The following NOL4 variants were observed in gnomAD, a reference collection of about 807,000 sequenced individuals.
NOL4 encodes cancer/testis antigen 125.
NOL4 carries 17 observed loss-of-function variants against 75.9 expected under a neutral mutation model. The ratio of observed to expected loss-of-function variants is 0.22; its 90% confidence interval spans 0.15 to 0.34. The LOEUF is 0.34. Among genes scored for constraint, NOL4 ranks in the 10% least tolerant of loss-of-function variants. The probability of loss-of-function intolerance (pLI) is 1.00; values close to 1 mark genes in which losing one functional copy is unlikely to be tolerated. For synonymous variants in NOL4, 292 were observed against 289.9 expected (o/e 1.01, Z -0.07); for missense variants, 614 against 793.5 (o/e 0.77, Z 2.72).
chr18:34,081,221 A>T (rs9946561), intron 5 of NOL4, among the ~76,000 whole-genome samples: 2,424 of 152,260 alleles, frequency 0.016, 70 homozygotes, highest in African/African-American at 0.056. Flanking sequence ...TAGTTTCTTT[A>T]TTTCCACAAA....
intron 6 of NOL4, among the ~76,000 whole-genome samples, chr18:33,997,007 G>C (rs2073338387): frequency 6.6e-6 from 1 of 151,818 alleles, no homozygotes; most frequent in African/African-American, 2.4e-5. Context: ...TTGAACTTTT[G>C]TCAGATGCAT....
intron 8 of NOL4, among the ~76,000 whole-genome samples, chr18:33,953,244 T>TTTTTTTTTTTTTTTTTTTTGAG (rs1555671903): frequency 6.7e-6 from 1 of 149,430 alleles, no homozygotes; most frequent in African/African-American, 2.5e-5. Flanking sequence ...AGGATATTTT[T>TTTTTTTTTTTTTTTTTTTTGAG]AAACTGCAAA....
intron 10 of NOL4, among the ~76,000 whole-genome samples, chr18:33,880,007 T>TA (rs1030040449): frequency 9.9e-5 from 15 of 152,196 alleles, no homozygotes; most frequent in Middle Eastern, 3.4e-3. Context: ...ACAGTCTTGT[T>TA]AAAAAAATTC....
intron 5 of NOL4, among the ~76,000 whole-genome samples, chr18:34,033,299 A>G (rs2075732468): frequency 6.6e-6 from 1 of 152,180 alleles, no homozygotes; most frequent in Non-Finnish European, 1.5e-5. Context: ...AAAACAATTT[A>G]AAGAAATCAG....
Position 34,019,474 on chromosome 18 carries a change from A to C in NOL4, c.900T>G (p.Asp300Glu). Residue 300 changes from aspartate to glutamate, a missense_variant, in exon 6 of 11, where the codon GAT (aspartate) becomes GAG (glutamate). Asp to Glu is a conservative substitution (Grantham distance 45). Transcript: ENST00000261592. The part of the protein sequence containing the change: ...NSDGKTGLEQ[D>E]EQPLNLSDSP... ...TGTCACTCAGGTTCAGTGGCTGTTCATCTTGCTCCAGCCCAGTTTTGCCAT... is the reference window on the plus strand; with the variant it reads ...TGTCACTCAGGTTCAGTGGCTGTTCCTCTTGCTCCAGCCCAGTTTTGCCAT... 6.2e-7 allele frequency: 1 copy of C among 1,614,016 alleles called. No individual in the cohort carries two copies. The highest frequency in any genetic ancestry group is 8.5e-7 in the Non-Finnish European group (1 of 1,179,982).
intron 1 of NOL4, among the ~76,000 whole-genome samples, chr18:34,176,386 A>G (rs1159504383): frequency 6.6e-6 from 1 of 151,944 alleles, no homozygotes; most frequent in Non-Finnish European, 1.5e-5. Context: ...GAGAAAGAAT[A>G]TGTGAAATAA....
chr18:33,976,320 C>A (rs2071484485), intron 6 of NOL4, among the ~76,000 whole-genome samples: 1 of 152,130 alleles, frequency 6.6e-6, no homozygotes. Context: ...AGGCATATGT[C>A]AAAAGCAATG....
At chr18:33,887,096 GAT>G (rs1189593651) in intron 9 of NOL4, among the ~76,000 whole-genome samples, 2 of 135,206 alleles carry the variant, frequency 1.5e-5, no homozygotes, top group Non-Finnish European at 3.1e-5. Flanking sequence ...ATTAGATATA[GAT>G]ATATATATCT....
At chr18:33,992,925 T>G (rs1334425665) in intron 6 of NOL4, among the ~76,000 whole-genome samples, 2 of 151,974 alleles carry the variant, frequency 1.3e-5, no homozygotes, top group African/African-American at 2.4e-5. Context: ...AGGAACTAAA[T>G]TAATTTGCAA....
intron 5 of NOL4, among the ~76,000 whole-genome samples, chr18:34,046,340 C>T (rs549286044): frequency 6.6e-6 from 1 of 151,742 alleles, no homozygotes; most frequent in South Asian, 2.1e-4. Flanking sequence ...CCAAGCAATA[C>T]CTTAGAAGAG....
intron 9 of NOL4, among the ~76,000 whole-genome samples, chr18:33,911,759 G>C (rs1053433224): frequency 2.0e-5 from 3 of 152,034 alleles, no homozygotes; most frequent in Non-Finnish European, 4.4e-5. Context: ...TTCAGTGGAG[G>C]ATATAATCAG....
intron 2 of NOL4, among the ~76,000 whole-genome samples, chr18:34,114,822 T>C (rs112926387): frequency 4.6e-5 from 7 of 151,784 alleles, no homozygotes; most frequent in African/African-American, 1.7e-4. Context: ...GGACCATGGG[T>C]GGCTTATCCA....
chr18:34,125,967 C>CA (rs34689802), intron 2 of NOL4, among the ~76,000 whole-genome samples: 4,804 of 142,586 alleles, frequency 0.034, 83 homozygotes, highest in Non-Finnish European at 0.037. Context: ...CAGGATGCAC[C>CA]AAAAAAAAAA....
intron 1 of NOL4, among the ~76,000 whole-genome samples, chr18:34,142,964 TA>T (rs1177974636): frequency 1.3e-5 from 2 of 151,794 alleles, no homozygotes; most frequent in Admixed American, 6.6e-5. Flanking sequence ...TACAAACCTT[TA>T]AAAAATGTGA....
intron 9 of NOL4, among the ~76,000 whole-genome samples, chr18:33,903,439 A>G (rs921034176): frequency 6.6e-6 from 1 of 152,168 alleles, no homozygotes; most frequent in Non-Finnish European, 1.5e-5. Flanking sequence ...ATCAGGTACT[A>G]TTAAGCAATC....
At chr18:33,936,623 C>T (rs12606396) in intron 9 of NOL4, among the ~76,000 whole-genome samples, 11,592 of 152,110 alleles carry the variant, frequency 0.076, 585 homozygotes, top group Middle Eastern at 0.13. Flanking sequence ...CCAGCATTCC[C>T]GCTTTGTCCT....
intron 1 of NOL4, among the ~76,000 whole-genome samples, chr18:34,153,274 G>C (rs760702293): frequency 1.2e-4 from 18 of 151,766 alleles, no homozygotes; most frequent in Non-Finnish European, 2.2e-4. Flanking sequence ...TCTCTAGAAG[G>C]CTCGAATCAT....
At chr18:34,026,967 A>G (rs2075374154) in intron 5 of NOL4, among the ~76,000 whole-genome samples, 1 of 152,204 alleles carries the variant, frequency 6.6e-6, no homozygotes, top group South Asian at 2.1e-4. Context: ...TGAGGAGAGG[A>G]GCCTGAAAAA....
intron 9 of NOL4, among the ~76,000 whole-genome samples, chr18:33,932,322 GT>G (rs2067751549): frequency 6.6e-6 from 1 of 151,894 alleles, no homozygotes; most frequent in Non-Finnish European, 1.5e-5. Context: ...ATAATGCCAT[GT>G]TTTTTAGGAT....
Sources: allele counts gnomAD v4.1 joint callset (sites outside exome capture counted in the v4.1 genomes callset), GRCh38; gene constraint gnomAD v4.1.1; transcripts MANE v1.5; gene names NCBI Gene and HGNC (gene_info 2026-07-23, HGNC 2026-07-21).